The following FRRS1 variants were observed in gnomAD, a reference collection of about 807,000 sequenced individuals.
FRRS1 encodes ferric reductase 1.
Under a neutral mutation model 70.7 loss-of-function variants are expected in FRRS1, and 51 were observed. The observed-to-expected ratio is 0.72, with a 90% confidence interval of 0.58 to 0.91. The LOEUF (loss-of-function observed/expected upper bound fraction) is 0.91. Among genes scored for constraint, FRRS1 ranks in the 40% least tolerant of loss-of-function variants. FRRS1 has a pLI of 0.00. For missense variants in FRRS1, 672 were observed against 726.0 expected, an observed-to-expected ratio of 0.93 and a Z score of 0.86; for synonymous variants, 225 against 238.7, an observed-to-expected ratio of 0.94 and a Z score of 0.53.
intron 1 of FRRS1, among the ~76,000 whole-genome samples, chr1:99,766,361 C>T (rs1022248252): frequency 2.0e-5 from 3 of 152,056 alleles, no homozygotes; most frequent in Non-Finnish European, 4.4e-5. Context: ...CTACTTATAA[C>T]CACCCATATC....
chr1:99,721,160 C>T (rs1341611604), intron 9 of FRRS1, among the ~76,000 whole-genome samples: 2 of 152,094 alleles, frequency 1.3e-5, no homozygotes, highest in Non-Finnish European at 2.9e-5. Flanking sequence ...GTGGGTGGAT[C>T]ACGAGGTCAA....
Position 99,715,586 on chromosome 1 carries a change from C to T in FRRS1, c.1323G>A (p.Arg441=). 6.3e-7 allele frequency: 1 copy of T among 1,589,322 alleles called. No individual in the cohort carries two copies. The highest frequency in any genetic ancestry group is 8.6e-7 in the Non-Finnish European group (1 of 1,157,838). The change falls in exon 12 of 17, where the codon AGG becomes AGA. Residue 441 remains arginine (R), a splice_region_variant and synonymous_variant. Transcript: ENST00000646001. ...AAAACCCTATTTAAGATATACTTAC[C>T]CTACTCCAGCCTCCCCTGTATATAA... ...MPFIYRGGWS[R]HAGYHPYLGC...
chr1:99,729,379 T>C (rs1478431570), intron 8 of FRRS1, among the ~76,000 whole-genome samples: 7 of 152,232 alleles, frequency 4.6e-5, no homozygotes, highest in Non-Finnish European at 1.0e-4. Context: ...CTGACCATCT[T>C]AATAAACCAT....
At chr1:99,713,266 T>C (rs140363514) in intron 12 of FRRS1, among the ~76,000 whole-genome samples, 1,663 of 152,334 alleles carry the variant, frequency 0.011, 19 homozygotes, top group South Asian at 0.019. Flanking sequence ...TAATAAGTCA[T>C]GGTGCCAGGA....
At chr1:99,734,304 A>G (rs1655540448) in intron 7 of FRRS1, among the ~76,000 whole-genome samples, 1 of 152,232 alleles carries the variant, frequency 6.6e-6, no homozygotes. Flanking sequence ...TGTGATAAAA[A>G]TATTGTGGTA....
chr1:99,757,680 T>G (rs1434058662), intron 1 of FRRS1, among the ~76,000 whole-genome samples: 1 of 152,208 alleles, frequency 6.6e-6, no homozygotes, highest in Non-Finnish European at 1.5e-5. Flanking sequence ...TCAAGTACAT[T>G]CTACAATGTT....
At chr1:99,765,018 A>T (rs1048364118) in intron 1 of FRRS1, among the ~76,000 whole-genome samples, 28 of 152,348 alleles carry the variant, frequency 1.8e-4, no homozygotes, top group African/African-American at 6.3e-4. Flanking sequence ...ATTGATCTCC[A>T]TTCATTCTGA....
intron 7 of FRRS1, among the ~76,000 whole-genome samples, chr1:99,731,804 A>C (rs1320073260): frequency 6.6e-6 from 1 of 152,208 alleles, no homozygotes; most frequent in African/African-American, 2.4e-5. Flanking sequence ...TCCTTACAGA[A>C]AACGTTTTTT....
At chr1:99,724,791 T>TA (rs903771375) in intron 9 of FRRS1, among the ~76,000 whole-genome samples, 190 of 143,492 alleles carry the variant, frequency 1.3e-3, no homozygotes, top group East Asian at 9.0e-3. Flanking sequence ...CTGTACCAGT[T>TA]AAAAAAAAAA....
rs1654051910 is a variant in FRRS1 at position 99,706,927 on chromosome 1, G to T, written c.*2101C>A. On this transcript the variant is annotated 3_prime_UTR_variant, in exon 17 of 17. Transcript: ENST00000646001. ...AAGAGAGAATTTTTCTTTGTCAGAT[G>T]TAGAATATAACTTAAGAGAAATTTA... Among the ~76,000 whole-genome samples, 1 of 151,878 alleles carries T rather than the reference G, an allele frequency of 6.6e-6. No homozygotes were observed.
At chr1:99,732,333 G>A (rs1655433078) in intron 7 of FRRS1, among the ~76,000 whole-genome samples, 1 of 152,156 alleles carries the variant, frequency 6.6e-6, no homozygotes, top group Non-Finnish European at 1.5e-5. Context: ...CCCCTCTCAA[G>A]TCAAGCATTT....
intron 1 of FRRS1, among the ~76,000 whole-genome samples, chr1:99,755,407 C>G (rs572266441): frequency 6.7e-6 from 1 of 149,720 alleles, no homozygotes; most frequent in South Asian, 2.1e-4. Flanking sequence ...AGCCTGGGGT[C>G]GGAGGGGGAG....
At chr1:99,740,338 A>C (rs1655892017) in intron 6 of FRRS1, among the ~76,000 whole-genome samples, 1 of 152,234 alleles carries the variant, frequency 6.6e-6, no homozygotes, top group South Asian at 2.1e-4. Context: ...CATTCCCTTC[A>C]TTCTAACCTG....
intron 1 of FRRS1, among the ~76,000 whole-genome samples, chr1:99,764,560 C>T (rs139309640): frequency 3.3e-4 from 51 of 152,264 alleles, no homozygotes; most frequent in Non-Finnish European, 6.3e-4. Context: ...ACCTTCACCC[C>T]TCTTTCAAGA....
chr1:99,712,164 C>T lies in FRRS1; in HGVS notation c.1422-1G>A. The T allele has an allele frequency of 6.2e-7, 1 of 1,604,260 alleles. No individual in the cohort carries two copies. Among genetic ancestry groups the T allele is most frequent in the Non-Finnish European group, 8.5e-7 (1 of 1,171,944 alleles). ...ATGAGTCCAGTTAAACATTTGCCTT[C>T]TACCAAAATAAGAACCAGTCAGTAT... On this transcript the variant is annotated splice_acceptor_variant, in intron 13 of 16. Transcript: ENST00000646001. LOFTEE classifies it high-confidence loss of function.
chr1:99,717,627 T>C, intron 10 of FRRS1, 102 bp from the exon 11 acceptor site: 1 of 749,084 alleles, frequency 1.3e-6, no homozygotes, highest in South Asian at 1.5e-5. Flanking sequence ...GCCAGCAAAA[T>C]ACATTCAGCT....
chr1:99,735,388 C>A (rs932608384), intron 7 of FRRS1, among the ~76,000 whole-genome samples: 7 of 152,082 alleles, frequency 4.6e-5, no homozygotes, highest in Admixed American at 3.3e-4. Flanking sequence ...CATTAATTTA[C>A]AAGCCAAATT....
chr1:99,709,901 A>C (rs1159481990), intron 15 of FRRS1, among the ~76,000 whole-genome samples: 1 of 152,112 alleles, frequency 6.6e-6, no homozygotes, highest in Non-Finnish European at 1.5e-5. Flanking sequence ...TCTGGAGTTC[A>C]AGGCTGCAGT....
At chr1:99,754,491 GAGAGAGAGAGAGAGAA>G (rs1656727387) in intron 1 of FRRS1, among the ~76,000 whole-genome samples, 2 of 106,820 alleles carry the variant, frequency 1.9e-5, no homozygotes, top group Non-Finnish European at 3.6e-5. Flanking sequence ...GTCTCAAAGA[GAGAGAGAGAGAGAGAA>G]AGAGAGAGAG....
Sources: gnomAD v4.1 joint callset for allele counts (sites outside exome capture counted in the v4.1 genomes callset) on GRCh38, gnomAD v4.1.1 for gene constraint, MANE v1.5 for transcripts, NCBI Gene and HGNC (gene_info 2026-07-23, HGNC 2026-07-21) for gene names.